Variants in SUPT5H observed in about 807,000 individuals in gnomAD.
SUPT5H encodes transcription elongation factor SPT5.
SUPT5H carries 24 observed loss-of-function variants against 142.5 expected under a neutral mutation model. The observed-to-expected ratio is 0.17, with a 90% CI of 0.12 to 0.24. The LOEUF (loss-of-function observed/expected upper bound fraction) is 0.24, where lower values mean the gene tolerates loss of function less well. Among genes scored for constraint, SUPT5H ranks in the 10% least tolerant of loss-of-function variants. The pLI is 1.00. For missense variants in SUPT5H, 893 were observed against 1,471.8 expected (o/e 0.61, Z 6.43); for synonymous variants, 546 against 553.0 (o/e 0.99, Z 0.18).
chr19:39,467,475 G>A (rs926597228), intron 13 of SUPT5H: 2 of 152,234 alleles, frequency 1.3e-5, no homozygotes, highest in African/African-American at 4.8e-5. Flanking sequence ...AATGCCCTTG[G>A]CACGTAGTAA....
Position 39,457,756 on chromosome 19 carries a change from G to A in SUPT5H, c.307+16G>A, listed in dbSNP as rs111255213. ...CTAGAGAAAGGTGTGTGTGAGCCCT[G>A]CCTCCACAAGACTACTGGGAAGAGG... On this transcript the variant is annotated intron_variant, in intron 4 of 29. Transcript: ENST00000432763. 3.4e-4 allele frequency: 546 copies of A among 1,614,054 alleles called. No homozygotes were observed. In the African/African-American group the frequency reaches 6.3e-3, roughly 19 times the overall value.
intron 2 of SUPT5H, among the ~76,000 whole-genome samples, chr19:39,450,322 C>G (rs913050547): frequency 1.3e-5 from 2 of 151,908 alleles, no homozygotes; most frequent in African/African-American, 4.8e-5. Flanking sequence ...GTCGCCCAGG[C>G]TGGAGTGTAG....
chr19:39,469,739 GT>G lies in SUPT5H; in HGVS notation c.1374+342del. The G allele has an allele frequency of 2.0e-6, 1 of 491,856 alleles. No individual in the cohort carries two copies. The highest frequency in any genetic ancestry group is 1.9e-5 in the African/African-American group (1 of 51,688). 30.5% of individuals were successfully genotyped at this position (491,856 alleles called of 1,614,324 possible). A position where few individuals can be genotyped will look rare whatever the true frequency, so the allele number is the denominator to read the frequency against. Reference sequence around the variant, plus strand: ...CTTAGAGCGGGGTGTGTGTTTGTCTGTGTCTGGTGTATGTCTGAGGGGTTGT... The same window carrying G: ...CTTAGAGCGGGGTGTGTGTTTGTCTGGTCTGGTGTATGTCTGAGGGGTTGT... On this transcript the variant is annotated intron_variant, in intron 16 of 29. Transcript: ENST00000432763. The surrounding 1 kb of genome is among the most constrained non-coding windows in gnomAD (Gnocchi z 5.1).
chr19:39,450,861 C>T (rs1163904219), intron 2 of SUPT5H, among the ~76,000 whole-genome samples: 1 of 152,076 alleles, frequency 6.6e-6, no homozygotes, highest in African/African-American at 2.4e-5. Context: ...GAGAACAGGC[C>T]TTAGGCTTAG....
At chr19:39,452,092 AATG>A (rs1303319027) in intron 2 of SUPT5H, among the ~76,000 whole-genome samples, 2 of 152,076 alleles carry the variant, frequency 1.3e-5, no homozygotes, top group Non-Finnish European at 2.9e-5. Context: ...GGGTTGGAGA[AATG>A]ATGTTTACAG....
rs766121996 is a variant in SUPT5H at position 39,474,639 on chromosome 19, C to T, written c.2945C>T (p.Thr982Ile). The T allele has an allele frequency of 1.2e-6, 2 of 1,614,212 alleles. No individual in the cohort carries two copies. The highest frequency in any genetic ancestry group is 1.7e-6 in the Non-Finnish European group (2 of 1,180,036). ...IEQNSSDWVT[T>I]DIQVKVRDTY... ...CAGAACTCCAGCGACTGGGTAACCA[C>T]TGACATTCAGGTGAAGGTGCGGGAC... The change falls in exon 28 of 30, where the codon ACT becomes ATT. Residue 982 changes from threonine (T) to isoleucine (I), a missense_variant. Physicochemically the swap from Thr to Ile is moderately conservative, Grantham distance 89. Transcript: ENST00000432763. This position sits in a 1 kb window ranked among gnomAD's most constrained non-coding sequence, Gnocchi z 6.5.
chr19:39,446,132 C>T (rs1371738575), intron 2 of SUPT5H, among the ~76,000 whole-genome samples, 167 bp downstream of exon 2: 1 of 152,066 alleles, frequency 6.6e-6, no homozygotes, highest in African/African-American at 2.4e-5. Flanking sequence ...AGCAAAGGGA[C>T]AGGTTCTGGA....
rs754687419 is a variant in SUPT5H at position 39,473,191 on chromosome 19, C to T, written c.2259-12C>T. On this transcript the variant is annotated splice_polypyrimidine_tract_variant and intron_variant, in intron 23 of 29. Coordinates refer to ENST00000432763, the MANE Select transcript of SUPT5H (RefSeq NM_001111020.3). This position sits in a 1 kb window ranked among gnomAD's most constrained non-coding sequence, Gnocchi z 5.8. ...GGGGTCTGCTCACCCCATTTGTTCTCTGCGTCCCCAGGGGCTCACGGCGCC... is the reference window on the plus strand; with the variant it reads ...GGGGTCTGCTCACCCCATTTGTTCTTTGCGTCCCCAGGGGCTCACGGCGCC... 8 of 1,611,552 alleles carry T rather than the reference C, an allele frequency of 5.0e-6. No homozygotes were observed. Among genetic ancestry groups the T allele is most frequent in the Non-Finnish European group, 6.8e-6 (8 of 1,179,904 alleles).
Position 39,476,152 on chromosome 19 carries a change from T to C in SUPT5H, c.3096T>C (p.Pro1032=), listed in dbSNP as rs765042756. 6.2e-7 allele frequency: 1 copy of C among 1,614,012 alleles called. No homozygotes were observed. Among genetic ancestry groups the C allele is most frequent in the East Asian group, 2.2e-5 (1 of 44,866 alleles). The change falls in exon 29 of 30, where the codon CCT becomes CCC. Residue 1032 remains proline, a synonymous_variant. Transcript: ENST00000432763. The part of the protein sequence containing the change: ...VVSISSEHLE[P]ITPTKNNKVK... ...GCATTTCCAGTGAGCACCTGGAGCC[T>C]ATCACCCCCACCAAGAACAACAAGG...
chr19:39,474,740 G>T lies in SUPT5H; in HGVS notation c.3024+22G>T, dbSNP rs373484983. On this transcript the variant is annotated intron_variant, in intron 28 of 29. Coordinates refer to ENST00000432763, the MANE Select transcript of SUPT5H (RefSeq NM_001111020.3). The surrounding 1 kb of genome is among the most constrained non-coding windows in gnomAD (Gnocchi z 6.5). Reference sequence around the variant, plus strand: ...CACGGTACGTGGGGCCCAGGGTGGTGGGTGAGCAGGCATCCTCTCCTTGGT... The same window carrying T: ...CACGGTACGTGGGGCCCAGGGTGGTTGGTGAGCAGGCATCCTCTCCTTGGT... The T allele has an allele frequency of 1.3e-6, 2 of 1,591,772 alleles. No individual in the cohort carries two copies. Among genetic ancestry groups the T allele is most frequent in the South Asian group, 2.3e-5 (2 of 88,492 alleles).
rs2079331139 is a variant in SUPT5H at position 39,472,277 on chromosome 19, CAG to C, written c.1951-129_1951-128del. 1.9e-5 allele frequency: 15 copies of C among 807,932 alleles called. No homozygotes were observed. The highest frequency in any genetic ancestry group is 2.9e-5 in the Non-Finnish European group (14 of 481,236). The allele number at this position is 807,932 out of a possible 1,614,324, so 50.0% of individuals were successfully genotyped here. A position where few individuals can be genotyped will look rare whatever the true frequency, so the allele number is the denominator to read the frequency against. ...GGAAAGTGTGCAGGACCAGCTGTCACAGAGGAATTCAGGCCTGGGGTGTGGGT... is the reference window on the plus strand; with the variant it reads ...GGAAAGTGTGCAGGACCAGCTGTCACAGGAATTCAGGCCTGGGGTGTGGGT... On this transcript the variant is annotated intron_variant, in intron 20 of 29. Transcript: ENST00000432763. The surrounding 1 kb of genome is among the most constrained non-coding windows in gnomAD (Gnocchi z 4.2).
intron 11 of SUPT5H, among the ~76,000 whole-genome samples, chr19:39,465,726 G>A (rs1029564349): frequency 9.9e-5 from 15 of 152,166 alleles, no homozygotes; most frequent in Non-Finnish European, 4.4e-5. Flanking sequence ...TGAGAAACCC[G>A]GGAATAGCCT....
chr19:39,470,193 C>T lies in SUPT5H; in HGVS notation c.1449C>T (p.Gly483=), dbSNP rs772305141. The change falls in exon 17 of 30, where the codon GGC becomes GGT. Residue 483 remains glycine, a synonymous_variant. Coordinates refer to ENST00000432763, the MANE Select transcript of SUPT5H (RefSeq NM_001111020.3). The surrounding 1 kb of genome is among the most constrained non-coding windows in gnomAD (Gnocchi z 5.8). ...GGGACCACGTGAAGGTGATTGCTGGCCGATTCGAGGGCGACACAGGCCTCA... is the reference window on the plus strand; with the variant it reads ...GGGACCACGTGAAGGTGATTGCTGGTCGATTCGAGGGCGACACAGGCCTCA... ...KMGDHVKVIA[G]RFEGDTGLIV... The T allele has an allele frequency of 1.9e-6, 3 of 1,610,742 alleles. No homozygotes were observed. The highest frequency in any genetic ancestry group is 1.1e-5 in the South Asian group (1 of 90,706).
chr19:39,463,220 T>C (rs1262460569), intron 10 of SUPT5H, among the ~76,000 whole-genome samples: 8 of 151,758 alleles, frequency 5.3e-5, no homozygotes, highest in Non-Finnish European at 1.0e-4. Flanking sequence ...CAGGCTGGTA[T>C]TGAACTCCCG....
rs1485420295 is a variant in SUPT5H at position 39,473,686 on chromosome 19, C to T, written c.2492+165C>T. 2.0e-5 allele frequency among the ~76,000 whole-genome samples: 3 copies of T among 152,106 alleles called. No homozygotes were observed. Among genetic ancestry groups the T allele is most frequent in the African/African-American group, 7.2e-5 (3 of 41,404 alleles). On this transcript the variant is annotated intron_variant, in intron 25 of 29. Coordinates refer to ENST00000432763, the MANE Select transcript of SUPT5H (RefSeq NM_001111020.3). This position sits in a 1 kb window ranked among gnomAD's most constrained non-coding sequence, Gnocchi z 5.8. ...GAGGCATAGCATGGCGGGGCGGGGG[C>T]AAAGCGGCCTCCTCTCCATCCCCAA...
At chr19:39,459,528 C>T (rs929400093) in intron 8 of SUPT5H, 31 bp from the exon 9 acceptor site, 4 of 1,613,262 alleles carry the variant, frequency 2.5e-6, no homozygotes, top group Non-Finnish European at 3.4e-6. Context: ...TCCAGCTTCA[C>T]TGAAGGCCTT....
chr19:39,464,100 C>T (rs1350753512), intron 10 of SUPT5H, among the ~76,000 whole-genome samples: 6 of 151,582 alleles, frequency 4.0e-5, no homozygotes, highest in African/African-American at 1.5e-4. Flanking sequence ...TCTTCTGCCT[C>T]AGCCTCCCGT....
At chr19:39,465,654 T>A (rs1253107192) in intron 11 of SUPT5H, among the ~76,000 whole-genome samples, 1 of 152,176 alleles carries the variant, frequency 6.6e-6, no homozygotes, top group South Asian at 2.1e-4. Context: ...CATCCTCCAA[T>A]GCACAGGATG....
At position 39,445,972 on chromosome 19, in the gene SUPT5H, G is replaced by A. The variant is rs2078948069; in HGVS notation, c.75+7G>A. On this transcript the variant is annotated splice_region_variant and intron_variant, in intron 2 of 29. Coordinates refer to ENST00000432763, the MANE Select transcript of SUPT5H (RefSeq NM_001111020.3). ...TGACGGCGAGGAGGCCGAGGTCTGT[G>A]GCTGGGGCGCTGGGGGAGACATTGC... is the stretch of plus-strand genomic sequence containing the variant. 14 of 1,611,192 alleles carry A rather than the reference G, an allele frequency of 8.7e-6. No individual in the cohort carries two copies. Among genetic ancestry groups the A allele is most frequent in the Non-Finnish European group, 1.2e-5 (14 of 1,179,650 alleles).
Sources: gnomAD v4.1 joint callset for allele counts (sites outside exome capture counted in the v4.1 genomes callset) on GRCh38, gnomAD v4.1.1 for gene constraint, Gnocchi (gnomAD v3.1) non-coding constraint, MANE v1.5 for transcripts, NCBI Gene and HGNC (gene_info 2026-07-23, HGNC 2026-07-21) for gene names.